CLMN: variants seen among roughly 807,000 people sequenced by gnomAD.
CLMN encodes the protein calmin (calponin-like, transmembrane).
Under a neutral mutation model 92.7 loss-of-function variants are expected in CLMN, and 57 were observed. The ratio of observed to expected loss-of-function variants is 0.61; its 90% CI spans 0.50 to 0.77. The LOEUF (loss-of-function observed/expected upper bound fraction) is 0.77, where lower values mean the gene tolerates loss of function less well. Ranked by LOEUF, CLMN falls within the 30% of genes least tolerant of loss-of-function variation. The probability of loss-of-function intolerance (pLI) is 0.00; values close to 1 mark genes in which losing one functional copy is unlikely to be tolerated. For synonymous variants in CLMN, 466 were observed against 470.6 expected, an observed-to-expected ratio of 0.99 and a Z score of 0.13; for missense variants, 1,158 against 1,237.5, an observed-to-expected ratio of 0.94 and a Z score of 0.96.
chr14:95,220,660 A>C (rs1307337821), intron 4 of CLMN, among the ~76,000 whole-genome samples: 1 of 152,182 alleles, frequency 6.6e-6, no homozygotes, highest in Non-Finnish European at 1.5e-5. Context: ...ATTGGGAAGC[A>C]GAGCCTACCC....
intron 1 of CLMN, among the ~76,000 whole-genome samples, chr14:95,234,484 T>G (rs900189806): frequency 5.3e-5 from 8 of 152,104 alleles, no homozygotes; most frequent in African/African-American, 1.9e-4. Context: ...ATTGTAAAGG[T>G]GTAGGAAACC....
intron 1 of CLMN, among the ~76,000 whole-genome samples, chr14:95,306,908 C>T (rs926381631): frequency 6.6e-6 from 1 of 152,034 alleles, no homozygotes; most frequent in Admixed American, 6.5e-5. Flanking sequence ...GAGCTTAGAA[C>T]CAAAAAATCA....
chr14:95,291,422 A>T (rs998266901), intron 1 of CLMN, among the ~76,000 whole-genome samples: 2 of 152,186 alleles, frequency 1.3e-5, no homozygotes, highest in Non-Finnish European at 2.9e-5. Context: ...TGCCAAAAAA[A>T]CCCAGACACA....
intron 1 of CLMN, among the ~76,000 whole-genome samples, chr14:95,266,354 G>A (rs1456079111): frequency 1.3e-5 from 2 of 152,176 alleles, no homozygotes; most frequent in Non-Finnish European, 2.9e-5. Context: ...ATTCAGTAAA[G>A]TTGTAGAATA....
At chr14:95,317,953 G>A (rs1052298838) in intron 1 of CLMN, among the ~76,000 whole-genome samples, 5 of 152,092 alleles carry the variant, frequency 3.3e-5, no homozygotes, top group Non-Finnish European at 5.9e-5. Flanking sequence ...GGGAGCTGAG[G>A]GAGAGGAGCC....
rs538782162 is a variant in CLMN at position 95,295,133 on chromosome 14, C to T, written c.82+24578G>A. Reference sequence around the variant, plus strand: ...TCACTCCTTGGAGTTTCCTACTGGGCTCCTGCCTCATACGACCCTATAATA... The same window carrying T: ...TCACTCCTTGGAGTTTCCTACTGGGTTCCTGCCTCATACGACCCTATAATA... On this transcript the variant is annotated intron_variant, in intron 1 of 12. Transcript: ENST00000298912. Among the ~76,000 whole-genome samples the T allele has an allele frequency of 7.2e-5, 11 of 152,344 alleles. No homozygotes were observed. The South Asian group carries it at 2.3e-3, about 32-fold the overall frequency.
At chr14:95,246,799 TG>T (rs1898590085) in intron 1 of CLMN, among the ~76,000 whole-genome samples, 1 of 152,226 alleles carries the variant, frequency 6.6e-6, no homozygotes, top group Non-Finnish European at 1.5e-5. Flanking sequence ...AGTTGTCTCC[TG>T]ATCTGTGGGC....
At chr14:95,202,772 T>C (rs774608807) in intron 9 of CLMN, 66 bp downstream of exon 9, 7 of 1,456,238 alleles carry the variant, frequency 4.8e-6, no homozygotes, top group South Asian at 1.5e-5. Flanking sequence ...GAAGCTGAGC[T>C]TCAGACAAAG....
intron 1 of CLMN, among the ~76,000 whole-genome samples, chr14:95,286,962 G>A (rs1016476046): frequency 6.6e-6 from 1 of 152,218 alleles, no homozygotes. Flanking sequence ...TTGGGAGGGA[G>A]AACCAACAAC....
In CLMN at chr14:95,230,083, G is replaced by A. The variant is rs758066571; in HGVS notation, c.133C>T (p.His45Tyr). 1 of 1,614,142 alleles carries A rather than the reference G, an allele frequency of 6.2e-7. No individual in the cohort carries two copies. The highest frequency in any genetic ancestry group is 2.2e-5 in the East Asian group (1 of 44,892). Reference sequence around the variant, plus strand: ...AAGTGCGCCATTACCTTTTCTAGATGTAGATTTATCCATCGTGTAAAGGTC... The same window carrying A: ...AAGTGCGCCATTACCTTTTCTAGATATAGATTTATCCATCGTGTAAAGGTC... ...KRTFTRWINL[H>Y]LEKCNPPLEV... The change falls in exon 2 of 13, where the codon CAT becomes TAT. Residue 45 changes from histidine to tyrosine, a missense_variant. His to Tyr is a moderately conservative substitution (Grantham distance 83). Transcript: ENST00000298912.
chr14:95,309,250 A>G (rs951698608), intron 1 of CLMN, among the ~76,000 whole-genome samples: 1 of 152,160 alleles, frequency 6.6e-6, no homozygotes, highest in African/African-American at 2.4e-5. Context: ...ATAAACCCAT[A>G]TTTTAATGAT....
intron 1 of CLMN, among the ~76,000 whole-genome samples, chr14:95,303,713 T>C (rs1462234453): frequency 2.6e-5 from 4 of 152,194 alleles, no homozygotes; most frequent in African/African-American, 9.7e-5. Context: ...ATCTGCAGAC[T>C]TGGAATCTCC....
intron 1 of CLMN, among the ~76,000 whole-genome samples, chr14:95,233,762 CG>C (rs918930631): frequency 2.6e-5 from 4 of 152,286 alleles, no homozygotes; most frequent in South Asian, 4.1e-4. Flanking sequence ...TGGAACAAGG[CG>C]GGGGGTGGCC....
At chr14:95,277,825 C>T (rs576817414) in intron 1 of CLMN, among the ~76,000 whole-genome samples, 1 of 152,308 alleles carries the variant, frequency 6.6e-6, no homozygotes, top group African/African-American at 2.4e-5. Context: ...TGGAGTTTCA[C>T]CATATTGGTC....
intron 8 of CLMN, among the ~76,000 whole-genome samples, chr14:95,208,815 T>C (rs1049278835): frequency 2.0e-5 from 3 of 152,212 alleles, no homozygotes; most frequent in Admixed American, 1.3e-4. Context: ...TTCTGAGTAG[T>C]GGGATGAAAT....
At chr14:95,195,754 TG>T (rs1285287423) in intron 10 of CLMN, among the ~76,000 whole-genome samples, 1 of 152,200 alleles carries the variant, frequency 6.6e-6, no homozygotes, top group Non-Finnish European at 1.5e-5. Context: ...AAAATGAATG[TG>T]AAGTTCCTGG....
Position 95,194,018 on chromosome 14 carries a change from G to A in CLMN, c.2770-99C>T. The A allele has an allele frequency of 6.5e-7, 1 of 1,532,466 alleles. No homozygotes were observed. The highest frequency in any genetic ancestry group is 2.4e-5 in the East Asian group (1 of 41,794). The allele number at this position is 1,532,466 out of a possible 1,614,324, so 94.9% of individuals were successfully genotyped here. ...AACGATTTTAAACACACAAAGCCGA[G>A]CATGCCGGGCATTTCTCAATACCGC... is the stretch of plus-strand genomic sequence containing the variant. On this transcript the variant is annotated intron_variant, in intron 11 of 12. Coordinates refer to ENST00000298912, the MANE Select transcript of CLMN (RefSeq NM_024734.4). The surrounding 1 kb of genome is among the most constrained non-coding windows in gnomAD (Gnocchi z 4.0).
rs1468905432 is a variant in CLMN, at chr14:95,182,161, TC to T, written c.*9402del. On this transcript the variant is annotated 3_prime_UTR_variant, in exon 13 of 13. Coordinates refer to ENST00000298912, the MANE Select transcript of CLMN (RefSeq NM_024734.4). ...CACATTCATATATTGTTTATAAAGA[TC>T]TTTTTTTTTACAAAGCTACAGCTAT... 1 of 152,186 alleles carries T rather than the reference TC, an allele frequency of 6.6e-6. No homozygotes were observed. The highest frequency in any genetic ancestry group is 2.4e-5 in the African/African-American group (1 of 41,440). 9.4% of individuals were successfully genotyped at this position (152,186 alleles called of 1,614,324 possible).
intron 1 of CLMN, among the ~76,000 whole-genome samples, chr14:95,232,174 C>T (rs1897910394): frequency 6.6e-6 from 1 of 152,238 alleles, no homozygotes; most frequent in Non-Finnish European, 1.5e-5. Context: ...GAGATGGGCC[C>T]CAGTGCCAGT....
Sources: gnomAD v4.1 joint callset for allele counts (sites outside exome capture counted in the v4.1 genomes callset) on GRCh38, gnomAD v4.1.1 for gene constraint, Gnocchi (gnomAD v3.1) non-coding constraint, MANE v1.5 for transcripts, NCBI Gene and HGNC (gene_info 2026-07-23, HGNC 2026-07-21) for gene names.